Variants in RBFOX3 observed in about 807,000 individuals in gnomAD.
RBFOX3 encodes the protein RNA binding fox-1 homolog 3, also known as RNA binding protein fox-1 homolog 3.
A neutral mutation model predicts 48.7 loss-of-function variants in RBFOX3; 17 were observed. The observed-to-expected ratio is 0.35, with a 90% CI of 0.24 to 0.52. The LOEUF (loss-of-function observed/expected upper bound fraction) is 0.52, where lower values mean the gene tolerates loss of function less well. Ranked by LOEUF, RBFOX3 falls within the 20% of genes least tolerant of loss-of-function variation. The pLI is 0.94. For synonymous variants in RBFOX3, 212 were observed against 209.5 expected (o/e 1.01, Z -0.10); for missense variants, 382 against 497.5 (o/e 0.77, Z 2.21).
chr17:79,091,226 C>T (rs533566769), intron 14 of RBFOX3, among the ~76,000 whole-genome samples: 1 of 152,164 alleles, frequency 6.6e-6, no homozygotes, highest in East Asian at 2.0e-4. Flanking sequence ...GTGGGGGAGC[C>T]GGGCCCCCCA....
At chr17:79,286,301 C>T (rs12951389) in intron 3 of RBFOX3, among the ~76,000 whole-genome samples, 77,470 of 151,946 alleles carry the variant, frequency 0.51, 20,095 homozygotes, top group African/African-American at 0.57. Context: ...CTTCTCACTG[C>T]AGGTTTTGGA....
rs953296640 is a variant in RBFOX3, at chr17:79,508,422, C to T, written c.-319-25824G>A. ...TCCGCCTGCCTGCCCGAGGCTGGGCCGCCGCCCACCGCCTCCCTGACCGCC... is the reference window on the plus strand; with the variant it reads ...TCCGCCTGCCTGCCCGAGGCTGGGCTGCCGCCCACCGCCTCCCTGACCGCC... On this transcript the variant is annotated intron_variant, in intron 1 of 14. Transcript: ENST00000693108. Among the ~76,000 whole-genome samples the T allele has an allele frequency of 4.3e-4, 65 of 152,294 alleles. 1 individual carries two copies. The South Asian group carries it at 0.011, about 27-fold the overall frequency.
intron 3 of RBFOX3, among the ~76,000 whole-genome samples, chr17:79,277,248 C>A (rs2069073063): frequency 7.3e-6 from 1 of 136,262 alleles, no homozygotes; most frequent in Non-Finnish European, 1.6e-5. Flanking sequence ...TGGCTCTGCC[C>A]AGATCTTTCA....
intron 1 of RBFOX3, among the ~76,000 whole-genome samples, chr17:79,602,533 G>T (rs2093728386): frequency 6.6e-6 from 1 of 152,322 alleles, no homozygotes; most frequent in South Asian, 2.1e-4. Context: ...GGTCTATAAG[G>T]AGCCTGTGGA....
chr17:79,273,122 C>T (rs537436576), intron 3 of RBFOX3, among the ~76,000 whole-genome samples: 44 of 152,220 alleles, frequency 2.9e-4, no homozygotes, highest in African/African-American at 9.9e-4. Context: ...GAGTCCCTGG[C>T]GGAATCTAGC....
At chr17:79,100,840 G>A (rs993389244) in intron 9 of RBFOX3, among the ~76,000 whole-genome samples, 1 of 152,188 alleles carries the variant, frequency 6.6e-6, no homozygotes, top group Admixed American at 6.5e-5. Flanking sequence ...CTTAGCGTCG[G>A]CAGATCCATC....
rs750884396 is a variant in RBFOX3 at position 79,198,782 on chromosome 17, C to T, written c.-34+36984G>A. ...CTGGGATTATAGGCATGTGCCACCA[C>T]ACCCAGCTAATTTTTTTTGTACTTT... On this transcript the variant is annotated intron_variant, in intron 4 of 14. Transcript: ENST00000693108. This position sits in a 1 kb window ranked among gnomAD's most constrained non-coding sequence, Gnocchi z 8.2. Among the ~76,000 whole-genome samples the T allele has an allele frequency of 2.0e-5, 3 of 152,008 alleles. No individual in the cohort carries two copies. Among genetic ancestry groups the T allele is most frequent in the Non-Finnish European group, 2.9e-5 (2 of 68,032 alleles).
At position 79,155,395 on chromosome 17, in the gene RBFOX3, T is replaced by G. The variant is rs141408318; in HGVS notation, c.-33-39647A>C. Among the ~76,000 whole-genome samples the G allele has an allele frequency of 5.1e-3, 783 of 152,334 alleles. 6 individuals are homozygous for G. The highest frequency in any genetic ancestry group is 0.018 in the African/African-American group (747 of 41,578). On this transcript the variant is annotated intron_variant, in intron 4 of 14. Coordinates refer to ENST00000693108, the MANE Select transcript of RBFOX3 (RefSeq NM_001350451.2). ...TGCCCGCTCTCGGGCAGGAAGCCAG[T>G]GGGCAGGGAGGTCCGGGGCGGCAGG...
intron 4 of RBFOX3, among the ~76,000 whole-genome samples, chr17:79,152,177 T>G (rs9789026): frequency 0.64 from 97,553 of 151,516 alleles, 31,740 homozygotes; most frequent in Non-Finnish European, 0.69. Context: ...GGGCCAGGGT[T>G]GGGGAGCCCC....
intron 3 of RBFOX3, among the ~76,000 whole-genome samples, chr17:79,282,744 C>A (rs997164698): frequency 6.6e-6 from 1 of 152,238 alleles, no homozygotes; most frequent in Non-Finnish European, 1.5e-5. Flanking sequence ...CCTCAGCCCA[C>A]CTCTTCCAAA....
chr17:79,138,709 ACACCCCC>A (rs2040962754), intron 4 of RBFOX3, among the ~76,000 whole-genome samples: 10 of 48,288 alleles, frequency 2.1e-4, no homozygotes, highest in African/African-American at 2.3e-4. Flanking sequence ...ACATGCGTTC[ACACCCCC>A]TCACCCACAC....
chr17:79,219,449 C>T (rs1272123432), intron 4 of RBFOX3, among the ~76,000 whole-genome samples: 1 of 152,244 alleles, frequency 6.6e-6, no homozygotes, highest in Non-Finnish European at 1.5e-5. Context: ...TACCCTAAAC[C>T]TTTCCTTCTT....
rs2063666375 is a variant in RBFOX3 at position 79,249,706 on chromosome 17, G to A, written c.-73-13901C>T. On this transcript the variant is annotated intron_variant, in intron 3 of 14. Transcript: ENST00000693108. This position sits in a 1 kb window ranked among gnomAD's most constrained non-coding sequence, Gnocchi z 4.1. The stretch of plus-strand genomic sequence containing the variant: ...CCTGCCTCGCCCGTTCCTTCCTAGG[G>A]AAACCACAGTCAAGACCCCTGCCCC... 6.6e-6 allele frequency among the ~76,000 whole-genome samples: 1 copy of A among 151,996 alleles called. No individual in the cohort carries two copies. The highest frequency in any genetic ancestry group is 2.4e-5 in the African/African-American group (1 of 41,380).
intron 1 of RBFOX3, among the ~76,000 whole-genome samples, chr17:79,545,684 C>A (rs1555791682): frequency 1.3e-5 from 2 of 152,242 alleles, no homozygotes; most frequent in Non-Finnish European, 2.9e-5. Flanking sequence ...TCCAACCCAC[C>A]TCCTGTTATC....
intron 1 of RBFOX3, among the ~76,000 whole-genome samples, chr17:79,530,051 C>T (rs1375472712): frequency 2.0e-5 from 3 of 152,218 alleles, no homozygotes; most frequent in East Asian, 3.9e-4. Context: ...AAATCATCTC[C>T]GCCATGGAGG....
intron 3 of RBFOX3, among the ~76,000 whole-genome samples, chr17:79,268,127 G>A (rs2067032701): frequency 6.8e-6 from 1 of 146,550 alleles, no homozygotes; most frequent in African/African-American, 2.5e-5. Context: ...GCGTTTCCTG[G>A]CTGCCGTGAG....
At position 79,129,394 on chromosome 17, in the gene RBFOX3, G is replaced by A. The variant is rs1216297970; in HGVS notation, c.-33-13646C>T. On this transcript the variant is annotated intron_variant, in intron 4 of 14. Transcript: ENST00000693108. ...TGCTGCTACCTGACAGGTATGGACTGCTTTCCAATCCGGAGTAAGAGGGTG... is the reference window on the plus strand; with the variant it reads ...TGCTGCTACCTGACAGGTATGGACTACTTTCCAATCCGGAGTAAGAGGGTG... 2.9e-5 allele frequency among the ~76,000 whole-genome samples: 3 copies of A among 104,314 alleles called. 1 individual carries two copies. Among genetic ancestry groups the A allele is most frequent in the Admixed American group, 9.9e-5 (1 of 10,128 alleles). The allele number at this position is 104,314 out of a possible 152,430, so 68.4% of individuals were successfully genotyped here.
intron 2 of RBFOX3, among the ~76,000 whole-genome samples, chr17:79,347,451 TTC>T (rs1178730203): frequency 6.6e-6 from 1 of 152,186 alleles, no homozygotes; most frequent in African/African-American, 2.4e-5. Flanking sequence ...ATTTTTATTT[TTC>T]TCTCTTTGTA....
intron 14 of RBFOX3, among the ~76,000 whole-genome samples, chr17:79,091,706 C>T (rs928323112): frequency 2.6e-5 from 4 of 152,188 alleles, no homozygotes; most frequent in African/African-American, 7.2e-5. Context: ...GGAATATACC[C>T]CAATAAAGAC....
Sources: allele counts gnomAD v4.1 joint callset (sites outside exome capture counted in the v4.1 genomes callset), GRCh38; gene constraint gnomAD v4.1.1; non-coding constraint Gnocchi (gnomAD v3.1); transcripts MANE v1.5; gene names NCBI Gene and HGNC (gene_info 2026-07-23, HGNC 2026-07-21).